ZBTB16: variants seen among roughly 807,000 people sequenced by gnomAD.
The protein encoded by ZBTB16 is zinc finger and BTB domain-containing protein 16.
ZBTB16 carries 8 observed loss-of-function variants against 56.8 expected under a neutral mutation model. The ratio of observed to expected loss-of-function variants is 0.14; its 90% confidence interval spans 0.08 to 0.25. The LOEUF (loss-of-function observed/expected upper bound fraction) is 0.25. Among genes scored for constraint, ZBTB16 ranks in the 10% least tolerant of loss-of-function variants. The probability of loss-of-function intolerance (pLI) is 1.00; values close to 1 mark genes in which losing one functional copy is unlikely to be tolerated. For synonymous variants in ZBTB16, 363 were observed against 368.5 expected (o/e 0.98, Z 0.17); for missense variants, 625 against 903.0 (o/e 0.69, Z 3.95).
At chr11:114,198,366 G>A (rs1943653071) in intron 4 of ZBTB16, among the ~76,000 whole-genome samples, 1 of 149,958 alleles carries the variant, frequency 6.7e-6, no homozygotes, top group Admixed American at 6.7e-5. Flanking sequence ...TTACTATAAA[G>A]GCATGTTTGA....
chr11:114,217,559 TG>T (rs1464051008), intron 4 of ZBTB16, among the ~76,000 whole-genome samples: 2 of 151,896 alleles, frequency 1.3e-5, no homozygotes, highest in Admixed American at 1.3e-4. Flanking sequence ...GGCGAAGATG[TG>T]GGTTTCAGGT....
chr11:114,163,196 C>A (rs939887697), intron 3 of ZBTB16, among the ~76,000 whole-genome samples: 5 of 71,040 alleles, frequency 7.0e-5, no homozygotes, highest in East Asian at 3.2e-4. Flanking sequence ...CGTCCTCAGT[C>A]CCCCCCCAAC....
At chr11:114,172,562 T>G (rs1283004900) in intron 3 of ZBTB16, among the ~76,000 whole-genome samples, 1 of 152,188 alleles carries the variant, frequency 6.6e-6, no homozygotes, top group Non-Finnish European at 1.5e-5. Context: ...GGTCTTAACC[T>G]CTGCGGCAAA....
At chr11:114,240,726 C>T (rs1944685551) in intron 4 of ZBTB16, among the ~76,000 whole-genome samples, 1 of 152,154 alleles carries the variant, frequency 6.6e-6, no homozygotes, top group Admixed American at 6.5e-5. Context: ...TCGGCCATGG[C>T]TCCAGAGCAG....
intron 2 of ZBTB16, among the ~76,000 whole-genome samples, chr11:114,145,236 C>G (rs1942070075): frequency 6.6e-6 from 1 of 152,210 alleles, no homozygotes. Context: ...GGTATAGCTG[C>G]TTTGGAAAAC....
chr11:114,068,383 C>T (rs1939204859), intron 2 of ZBTB16, among the ~76,000 whole-genome samples: 1 of 152,180 alleles, frequency 6.6e-6, no homozygotes, highest in South Asian at 2.1e-4. Flanking sequence ...GAAGGGTAAG[C>T]TGTTGGCTCA....
At chr11:114,109,754 C>T (rs112582352) in intron 2 of ZBTB16, among the ~76,000 whole-genome samples, 16 of 152,280 alleles carry the variant, frequency 1.1e-4, no homozygotes, top group Admixed American at 2.6e-4. Context: ...ATCCTTCCAG[C>T]AGTCCTGACA....
chr11:114,239,035 G>T (rs1258441837), intron 4 of ZBTB16, among the ~76,000 whole-genome samples: 1 of 152,178 alleles, frequency 6.6e-6, no homozygotes, highest in Admixed American at 6.5e-5. Flanking sequence ...GCCTGTACTT[G>T]GTAGTGGCTC....
intron 3 of ZBTB16, among the ~76,000 whole-genome samples, chr11:114,174,362 AG>A (rs1943050486): frequency 6.6e-6 from 1 of 151,048 alleles, no homozygotes; most frequent in Non-Finnish European, 1.5e-5. Flanking sequence ...CTTGGGCAAG[AG>A]AACTAAGCTT....
intron 2 of ZBTB16, among the ~76,000 whole-genome samples, chr11:114,077,137 A>G (rs1277150397): frequency 6.6e-6 from 1 of 152,144 alleles, no homozygotes; most frequent in Admixed American, 6.5e-5. Flanking sequence ...GTAAGTGCTT[A>G]CTTCCTGTGT....
intron 3 of ZBTB16, 48 bp from the exon 4 acceptor site, chr11:114,186,904 C>T: frequency 2.5e-6 from 4 of 1,589,036 alleles, no homozygotes; most frequent in Non-Finnish European, 3.5e-6. Context: ...CCTCCCCGCT[C>T]ACCAGTGGAC....
chr11:114,133,038 A>G (rs554578196), intron 2 of ZBTB16, among the ~76,000 whole-genome samples: 5 of 152,236 alleles, frequency 3.3e-5, no homozygotes, highest in Non-Finnish European at 4.4e-5. Context: ...ATTTTATGGG[A>G]AAGGAAATAC....
chr11:114,221,300 G>A (rs919505638), intron 4 of ZBTB16, among the ~76,000 whole-genome samples: 40 of 152,210 alleles, frequency 2.6e-4, no homozygotes, highest in African/African-American at 9.4e-4. Flanking sequence ...CAGACTCTCT[G>A]TACCAACCGT....
At chr11:114,121,145 T>G (rs943331826) in intron 2 of ZBTB16, among the ~76,000 whole-genome samples, 1 of 152,232 alleles carries the variant, frequency 6.6e-6, no homozygotes, top group Non-Finnish European at 1.5e-5. Context: ...GGTGAGAATA[T>G]TCTTCTGTTG....
chr11:114,230,302 G>A (rs471637), intron 4 of ZBTB16, among the ~76,000 whole-genome samples: 134,121 of 152,166 alleles, frequency 0.88, 59,217 homozygotes, highest in East Asian at 0.98. Context: ...GTGTAATCAG[G>A]CTGTGCGTAC....
chr11:114,113,303 G>A (rs1004955456), intron 2 of ZBTB16, among the ~76,000 whole-genome samples: 1 of 152,056 alleles, frequency 6.6e-6, no homozygotes, highest in Admixed American at 6.6e-5. Flanking sequence ...CCTCCTATAC[G>A]TTCTTCTGGG....
chr11:114,084,859 C>T lies in ZBTB16; in HGVS notation c.1268+20291C>T, dbSNP rs115141859. On this transcript the variant is annotated intron_variant, in intron 2 of 6. Coordinates refer to ENST00000335953, the MANE Select transcript of ZBTB16 (RefSeq NM_006006.6). ...TAGCAAAGGGTTAAATCCTGCATCC[C>T]GTTTTTAGTCATCAAGCTAGCTCAG... 3.2e-3 allele frequency among the ~76,000 whole-genome samples: 481 copies of T among 152,320 alleles called. 1 individual carries two copies. The highest frequency in any genetic ancestry group is 0.011 in the African/African-American group (453 of 41,572).
intron 4 of ZBTB16, among the ~76,000 whole-genome samples, chr11:114,240,779 ATGTG>A (rs1247037903): frequency 6.6e-6 from 1 of 152,200 alleles, no homozygotes; most frequent in Non-Finnish European, 1.5e-5. Flanking sequence ...GGCAGCCTGT[ATGTG>A]TGGGGTACTT....
At chr11:114,153,059 G>A (rs1050818183) in intron 2 of ZBTB16, among the ~76,000 whole-genome samples, 3 of 152,194 alleles carry the variant, frequency 2.0e-5, no homozygotes, top group African/African-American at 7.2e-5. Flanking sequence ...GAATCGGTTG[G>A]AATTCTATTT....
Sources: gnomAD v4.1 joint callset for allele counts (sites outside exome capture counted in the v4.1 genomes callset) on GRCh38, gnomAD v4.1.1 for gene constraint, MANE v1.5 for transcripts, NCBI Gene and HGNC (gene_info 2026-07-23, HGNC 2026-07-21) for gene names.